The following PLEKHG7 variants were observed in gnomAD, a reference collection of about 807,000 sequenced individuals.
PLEKHG7 encodes pleckstrin homology domain-containing family G member 7.
PLEKHG7 carries 77 observed loss-of-function variants against 85.2 expected under a neutral mutation model. The ratio of observed to expected loss-of-function variants is 0.90; its 90% CI spans 0.75 to 1.09. The LOEUF is 1.09. Among genes scored for constraint, PLEKHG7 ranks in the 50% least tolerant of loss-of-function variants. PLEKHG7 has a pLI of 0.00. For synonymous variants in PLEKHG7, 301 were observed against 302.4 expected, an observed-to-expected ratio of 1.00 and a Z score of 0.05; for missense variants, 777 against 804.3, an observed-to-expected ratio of 0.97 and a Z score of 0.41.
rs143810271 is a variant in PLEKHG7, at chr12:92,722,545, G to A, written c.531-6448G>A. ...AAAAGTCAAGGTCATGGATCAAGCC[G>A]TTCACAAGCCGGTTATCTTCTCCCT... On this transcript the variant is annotated intron_variant, in intron 3 of 16. Transcript: ENST00000344636. Among the ~76,000 whole-genome samples the A allele has an allele frequency of 7.0e-3, 1,063 of 152,196 alleles. 6 individuals are homozygous for A. Among genetic ancestry groups the A allele is most frequent in the Admixed American group, 0.01 (156 of 15,294 alleles).
intron 5 of PLEKHG7, among the ~76,000 whole-genome samples, chr12:92,736,175 T>TA (rs1872140476): frequency 3.9e-5 from 6 of 152,114 alleles, no homozygotes; most frequent in Admixed American, 3.9e-4. Context: ...CCCCAATGGG[T>TA]AGGCATGATA....
intron 5 of PLEKHG7, among the ~76,000 whole-genome samples, chr12:92,735,656 G>C (rs1398278520): frequency 1.3e-5 from 2 of 152,030 alleles, no homozygotes; most frequent in Non-Finnish European, 2.9e-5. Flanking sequence ...TCTTTAAGTG[G>C]GCAATTCATG....
chr12:92,722,398 T>C (rs1386338274), intron 3 of PLEKHG7, among the ~76,000 whole-genome samples: 1 of 152,242 alleles, frequency 6.6e-6, no homozygotes, highest in Admixed American at 6.5e-5. Context: ...GATATTTTTA[T>C]TAACTCATGC....
rs1555194873 is a variant in PLEKHG7 at position 92,727,962 on chromosome 12, GTA to G, written c.531-1018_531-1017del. On this transcript the variant is annotated intron_variant, in intron 3 of 16. Transcript: ENST00000344636. ...TGTGTGTGTGTGTGTGTGTGTGTGT[GTA>G]TATATATATATACACATATATACAC... Among the ~76,000 whole-genome samples the G allele has an allele frequency of 4.8e-3, 468 of 96,554 alleles. 11 individuals carry two copies. Among genetic ancestry groups the G allele is most frequent in the African/African-American group, 0.017 (418 of 24,726 alleles). The allele number at this position is 96,554 out of a possible 152,430, so 63.3% of individuals were successfully genotyped here. A position where few individuals can be genotyped will look rare whatever the true frequency, so the allele number is the denominator to read the frequency against.
chr12:92,746,212 A>C (rs762503745), intron 10 of PLEKHG7, among the ~76,000 whole-genome samples: 1 of 152,218 alleles, frequency 6.6e-6, no homozygotes, highest in Non-Finnish European at 1.5e-5. Flanking sequence ...GTCTGAACTG[A>C]ACCTTTTCAG....
chr12:92,752,603 C>A (rs1006460), intron 10 of PLEKHG7, among the ~76,000 whole-genome samples: 56,665 of 151,984 alleles, frequency 0.37, 12,115 homozygotes, highest in East Asian at 0.89. Context: ...GTGTGCCTGG[C>A]CCACCTGAGG....
intron 3 of PLEKHG7, among the ~76,000 whole-genome samples, chr12:92,727,057 G>A (rs974228072): frequency 2.0e-5 from 3 of 152,246 alleles, no homozygotes; most frequent in South Asian, 4.1e-4. Flanking sequence ...TTCTGCTTTG[G>A]ATTAGTCAAA....
intron 3 of PLEKHG7, among the ~76,000 whole-genome samples, chr12:92,717,854 T>C (rs1235370410): frequency 6.6e-6 from 1 of 152,238 alleles, no homozygotes; most frequent in African/African-American, 2.4e-5. Context: ...CATTAAGCAA[T>C]GCACACCTGT....
In PLEKHG7 at chr12:92,771,764, G is replaced by GGA. The variant is rs1378666928; in HGVS notation, c.*1570_*1571dup. The GGA allele has an allele frequency of 2.0e-5, 3 of 152,042 alleles. No homozygotes were observed. Among genetic ancestry groups the GGA allele is most frequent in the Non-Finnish European group, 4.4e-5 (3 of 67,934 alleles). 9.4% of individuals were successfully genotyped at this position (152,042 alleles called of 1,614,324 possible). On this transcript the variant is annotated 3_prime_UTR_variant, in exon 17 of 17. Transcript: ENST00000344636. ...AACCTCGGAGGTGAGCAGTGGACTA[G>GGA]GATGAGGTGGCCTCTCAAATTCCTT... is the stretch of plus-strand genomic sequence containing the variant.
At chr12:92,768,576 A>C (rs1873289075) in intron 15 of PLEKHG7, among the ~76,000 whole-genome samples, 1 of 152,182 alleles carries the variant, frequency 6.6e-6, no homozygotes, top group South Asian at 2.1e-4. Context: ...ACAAAAATAA[A>C]ATTTTTTAAA....
At chr12:92,711,408 C>A (rs1019303548) in intron 3 of PLEKHG7, among the ~76,000 whole-genome samples, 1 of 152,144 alleles carries the variant, frequency 6.6e-6, no homozygotes, top group Non-Finnish European at 1.5e-5. Context: ...CCTCATATAA[C>A]CTACTTGTGC....
rs187138831 is a variant in PLEKHG7 at position 92,724,221 on chromosome 12, G to C, written c.531-4772G>C. On this transcript the variant is annotated intron_variant, in intron 3 of 16. Coordinates refer to ENST00000344636, the MANE Select transcript of PLEKHG7 (RefSeq NM_001377329.1). ...GATTTGTACACTGCTAATCCATTAT[G>C]TGTCAATCCCAGTGTCCTGTATGCA... Among the ~76,000 whole-genome samples, 62 of 152,220 alleles carry C rather than the reference G, an allele frequency of 4.1e-4. 3 individuals carry two copies. The East Asian group carries it at 0.011, about 27-fold the overall frequency.
chr12:92,748,866 G>A (rs1872609759), intron 10 of PLEKHG7, among the ~76,000 whole-genome samples: 1 of 152,218 alleles, frequency 6.6e-6, no homozygotes, highest in Non-Finnish European at 1.5e-5. Context: ...GATACCCAAG[G>A]TGACTAGTGT....
chr12:92,737,670 AAAGG>A (rs1441834674), intron 7 of PLEKHG7, 149 bp downstream of exon 7: 2 of 674,484 alleles, frequency 3.0e-6, no homozygotes, highest in African/African-American at 3.9e-5. Flanking sequence ...GGAAGGAAGG[AAAGG>A]AAGGAAGACA....
At chr12:92,749,973 TTTATTTTATTTTA>T (rs1565794562) in intron 10 of PLEKHG7, among the ~76,000 whole-genome samples, 1 of 106,796 alleles carries the variant, frequency 9.4e-6, no homozygotes, top group Non-Finnish European at 1.8e-5. Flanking sequence ...TATTTTATAT[TTTATTTTATTTTA>T]TTATTTTATT....
chr12:92,706,502 A>G lies in PLEKHG7; in HGVS notation c.-130A>G. 8.5e-7 allele frequency: 1 copy of G among 1,177,498 alleles called. No homozygotes were observed. The highest frequency in any genetic ancestry group is 2.6e-5 in the Admixed American group (1 of 38,906). 72.9% of individuals were successfully genotyped at this position (1,177,498 alleles called of 1,614,324 possible). A position where few individuals can be genotyped will look rare whatever the true frequency, so the allele number is the denominator to read the frequency against. On this transcript the variant is annotated 5_prime_UTR_variant, in exon 2 of 17. Transcript: ENST00000344636. ...TAACCTGCTTGACATTCTCCTCTGG[A>G]AAAGGAAAAGAACTACGAGAGGAAG...
intron 11 of PLEKHG7, 68 bp downstream of exon 11, chr12:92,754,332 G>C: frequency 6.8e-7 from 1 of 1,479,536 alleles, no homozygotes; most frequent in East Asian, 2.3e-5. Flanking sequence ...AACCTTCTGG[G>C]CTTCCATCCT....
chr12:92,766,780 A>G (rs1873212724), intron 15 of PLEKHG7, among the ~76,000 whole-genome samples: 1 of 152,214 alleles, frequency 6.6e-6, no homozygotes, highest in African/African-American at 2.4e-5. Context: ...CAGTGAGCCA[A>G]GGTCGCACGA....
At chr12:92,703,427 G>A (rs1414815211) in intron 1 of PLEKHG7, among the ~76,000 whole-genome samples, 1 of 152,224 alleles carries the variant, frequency 6.6e-6, no homozygotes, top group Non-Finnish European at 1.5e-5. Context: ...TGAATGGATT[G>A]ACTTGTTAAC....
Sources: allele counts gnomAD v4.1 joint callset (sites outside exome capture counted in the v4.1 genomes callset), GRCh38; gene constraint gnomAD v4.1.1; transcripts MANE v1.5; gene names NCBI Gene and HGNC (gene_info 2026-07-23, HGNC 2026-07-21).